The following STX8 variants were observed in gnomAD, a reference collection of about 807,000 sequenced individuals.
STX8 encodes the protein syntaxin-8.
Under a neutral mutation model 37.5 loss-of-function variants are expected in STX8, and 23 were observed. The observed-to-expected ratio is 0.61, with a 90% CI of 0.44 to 0.87. STX8 has a LOEUF of 0.87. STX8 is among the 40% of genes least tolerant of loss of function. The probability of loss-of-function intolerance (pLI) is 0.00; values close to 1 mark genes in which losing one functional copy is unlikely to be tolerated. For missense variants in STX8, 313 were observed against 284.7 expected (o/e 1.10, Z -0.71); for synonymous variants, 115 against 99.1 (o/e 1.16, Z -0.95).
chr17:9,265,095 G>C (rs557126933), intron 7 of STX8, among the ~76,000 whole-genome samples: 3 of 150,736 alleles, frequency 2.0e-5, no homozygotes, highest in Middle Eastern at 3.4e-3. Flanking sequence ...CTCCAGCCTG[G>C]GTGAGAGAAC....
At position 9,274,744 on chromosome 17, in the gene STX8, C is replaced by CTTT. The variant is rs201550065; in HGVS notation, c.644-24102_644-24100dup. ...AAAGTCTTCAAAAATACAACAATTT[C>CTTT]TTTTTTCTTTTTTTTTTTTTTTTTT... On this transcript the variant is annotated intron_variant, in intron 7 of 7. Transcript: ENST00000306357. 8.1e-3 allele frequency among the ~76,000 whole-genome samples: 722 copies of CTTT among 88,882 alleles called. 105 individuals carry two copies. Among genetic ancestry groups the CTTT allele is most frequent in the Non-Finnish European group, 9.0e-3 (396 of 44,056 alleles). The allele number at this position is 88,882 out of a possible 152,430, so 58.3% of individuals were successfully genotyped here. A position where few individuals can be genotyped will look rare whatever the true frequency, so the allele number is the denominator to read the frequency against.
chr17:9,429,041 G>A (rs939902325), intron 6 of STX8, among the ~76,000 whole-genome samples: 2 of 151,948 alleles, frequency 1.3e-5, no homozygotes, highest in Non-Finnish European at 2.9e-5. Flanking sequence ...CAGTTTCAGT[G>A]CAAACATATT....
intron 7 of STX8, among the ~76,000 whole-genome samples, chr17:9,279,532 A>T (rs75819923): frequency 6.6e-6 from 1 of 152,348 alleles, no homozygotes; most frequent in Non-Finnish European, 1.5e-5. Flanking sequence ...ACATATAGTC[A>T]TAACAATAAA....
At position 9,430,042 on chromosome 17, in the gene STX8, ATATATATATTC is replaced by A. The variant is rs1298563364; in HGVS notation, c.542-51400_542-51390del. Among the ~76,000 whole-genome samples, 35 of 20,666 alleles carry A rather than the reference ATATATATATTC, an allele frequency of 1.7e-3. 5 individuals carry two copies. The highest frequency in any genetic ancestry group is 3.4e-3 in the Non-Finnish European group (31 of 9,126). The allele number at this position is 20,666 out of a possible 152,430, so 13.6% of individuals were successfully genotyped here. A position where few individuals can be genotyped will look rare whatever the true frequency, so the allele number is the denominator to read the frequency against. ...TATTATATATAATATATTCTATAGA[ATATATATATTC>A]TATATAATATATATATTCTATATAA... On this transcript the variant is annotated intron_variant, in intron 6 of 7. Coordinates refer to ENST00000306357, the MANE Select transcript of STX8 (RefSeq NM_004853.3).
chr17:9,575,149 G>C lies in STX8; in HGVS notation c.17+643C>G, dbSNP rs73252165. Among the ~76,000 whole-genome samples, 1,298 of 152,324 alleles carry C rather than the reference G, an allele frequency of 8.5e-3. 24 individuals are homozygous for C. Among genetic ancestry groups the C allele is most frequent in the African/African-American group, 0.029 (1,210 of 41,570 alleles). On this transcript the variant is annotated intron_variant, in intron 1 of 7. Coordinates refer to ENST00000306357, the MANE Select transcript of STX8 (RefSeq NM_004853.3). ...GCATCTTTCATCATGCAGTCCTTGG[G>C]ATTAACTGCTAAATAAATCACCCTT... is the stretch of plus-strand genomic sequence containing the variant.
Position 9,425,292 on chromosome 17 carries a change from C to T in STX8, c.542-46639G>A, listed in dbSNP as rs77759583. On this transcript the variant is annotated intron_variant, in intron 6 of 7. Coordinates refer to ENST00000306357, the MANE Select transcript of STX8 (RefSeq NM_004853.3). ...AATCTCAGTAACGTCACAAAAATCTCAATACTTCAGATTTACAAAAATCTC... is the reference window on the plus strand; with the variant it reads ...AATCTCAGTAACGTCACAAAAATCTTAATACTTCAGATTTACAAAAATCTC... Among the ~76,000 whole-genome samples, 243 of 152,264 alleles carry T rather than the reference C, an allele frequency of 1.6e-3. 3 individuals carry two copies. The East Asian group carries it at 0.035, about 22-fold the overall frequency.
intron 7 of STX8, among the ~76,000 whole-genome samples, chr17:9,371,015 G>A (rs918372278): frequency 6.6e-6 from 1 of 151,912 alleles, no homozygotes; most frequent in Non-Finnish European, 1.5e-5. Flanking sequence ...CAAAAATCTC[G>A]GTAAAAATTT....
chr17:9,408,425 A>G (rs1220595720), intron 6 of STX8, among the ~76,000 whole-genome samples: 1 of 152,210 alleles, frequency 6.6e-6, no homozygotes, highest in Non-Finnish European at 1.5e-5. Context: ...GTAGAATACC[A>G]TCTCATATAT....
rs1397105486 is a variant in STX8 at position 9,430,002 on chromosome 17, AT to A, written c.542-51350del. On this transcript the variant is annotated intron_variant, in intron 6 of 7. Transcript: ENST00000306357. The stretch of plus-strand genomic sequence containing the variant: ...ATAGAATATATTATATATAATATAT[AT>A]ATTATATATTATATATTATATATAA... Among the ~76,000 whole-genome samples, 70 of 26,202 alleles carry A rather than the reference AT, an allele frequency of 2.7e-3. 11 individuals are homozygous for A. The highest frequency in any genetic ancestry group is 0.14 in the Middle Eastern group (2 of 14). 17.2% of individuals were successfully genotyped at this position (26,202 alleles called of 152,430 possible). A position where few individuals can be genotyped will look rare whatever the true frequency, so the allele number is the denominator to read the frequency against.
At chr17:9,475,258 T>C (rs764833278) in intron 6 of STX8, among the ~76,000 whole-genome samples, 1 of 152,160 alleles carries the variant, frequency 6.6e-6, no homozygotes, top group Non-Finnish European at 1.5e-5. Flanking sequence ...TCTTCAAGAA[T>C]AGAGTTGGGA....
chr17:9,556,491 G>C (rs1352807046), intron 3 of STX8, among the ~76,000 whole-genome samples: 2 of 151,610 alleles, frequency 1.3e-5, no homozygotes, highest in East Asian at 3.9e-4. Flanking sequence ...GCCCAAGCTG[G>C]AGTGCTTTGG....
intron 2 of STX8, among the ~76,000 whole-genome samples, chr17:9,565,961 G>A (rs1907442772): frequency 6.6e-6 from 1 of 152,148 alleles, no homozygotes; most frequent in Non-Finnish European, 1.5e-5. Flanking sequence ...TGACAAATAG[G>A]ATCTAATCAA....
At chr17:9,442,163 T>C (rs1214462645) in intron 6 of STX8, among the ~76,000 whole-genome samples, 1 of 152,206 alleles carries the variant, frequency 6.6e-6, no homozygotes, top group Non-Finnish European at 1.5e-5. Context: ...CCTATGGCAG[T>C]CAAGGCCATT....
At chr17:9,259,670 A>G (rs761278248) in intron 7 of STX8, among the ~76,000 whole-genome samples, 3 of 152,152 alleles carry the variant, frequency 2.0e-5, no homozygotes, top group Non-Finnish European at 4.4e-5. Flanking sequence ...CCAAGTGGAC[A>G]CCAGGTGAGA....
intron 7 of STX8, chr17:9,283,268 A>G (rs374781824): frequency 2.0e-5 from 3 of 152,138 alleles, no homozygotes; most frequent in African/African-American, 7.2e-5. Flanking sequence ...TCAGGCAAGG[A>G]GAGGTGGCTC....
chr17:9,300,357 GAAAGAA>G (rs1405838393), intron 7 of STX8, among the ~76,000 whole-genome samples: 6 of 135,360 alleles, frequency 4.4e-5, no homozygotes, highest in African/African-American at 7.9e-5. Context: ...AAGAAAGAAA[GAAAGAA>G]AAAGAAAAAG....
At chr17:9,537,934 A>G (rs1049463955) in intron 4 of STX8, among the ~76,000 whole-genome samples, 4 of 152,172 alleles carry the variant, frequency 2.6e-5, no homozygotes, top group Non-Finnish European at 4.4e-5. Context: ...TGGACTGTAC[A>G]TGGCTCAACT....
intron 6 of STX8, among the ~76,000 whole-genome samples, chr17:9,441,600 G>A (rs1335207004): frequency 6.6e-6 from 1 of 150,654 alleles, no homozygotes; most frequent in Non-Finnish European, 1.5e-5. Flanking sequence ...CACCCTTCCT[G>A]TAAATAATGG....
intron 7 of STX8, among the ~76,000 whole-genome samples, chr17:9,274,274 G>A (rs1425769433): frequency 1.3e-5 from 2 of 152,016 alleles, no homozygotes; most frequent in African/African-American, 4.8e-5. Flanking sequence ...GTTCTGGAAA[G>A]GATTTGATCA....
Sources: allele counts gnomAD v4.1 joint callset (sites outside exome capture counted in the v4.1 genomes callset), GRCh38; gene constraint gnomAD v4.1.1; transcripts MANE v1.5; gene names NCBI Gene and HGNC (gene_info 2026-07-23, HGNC 2026-07-21).